The following FOXRED1 variants were observed in gnomAD, a reference collection of about 807,000 sequenced individuals.
FOXRED1 encodes FAD-dependent oxidoreductase domain-containing protein 1.
Under a neutral mutation model 57.8 loss-of-function variants are expected in FOXRED1, and 52 were observed. That is an observed-to-expected ratio of 0.90 (90% CI 0.72 to 1.13). The LOEUF (loss-of-function observed/expected upper bound fraction) is 1.13, where lower values mean the gene tolerates loss of function less well. Among genes scored for constraint, FOXRED1 ranks in the 50% most tolerant of loss-of-function variants. The pLI, the probability that FOXRED1 is intolerant of heterozygous loss-of-function variation, is 0.00. For missense variants in FOXRED1, 589 were observed against 625.2 expected (o/e 0.94, Z 0.62); for synonymous variants, 271 against 248.3 (o/e 1.09, Z -0.86).
chr11:126,274,726 G>A lies in FOXRED1; in HGVS notation c.537-201G>A. On this transcript the variant is annotated intron_variant, in intron 4 of 10. Coordinates refer to ENST00000263578, the MANE Select transcript of FOXRED1 (RefSeq NM_017547.4). The surrounding 1 kb of genome is among the most constrained non-coding windows in gnomAD (Gnocchi z 4.8). ...TGAAGGGAGACAAGGGAGTAGGGAA[G>A]GAAAGGCAGTCAAGGCTGAAGAGCC... 1.6e-6 allele frequency: 1 copy of A among 629,258 alleles called. No individual in the cohort carries two copies. 39.0% of individuals were successfully genotyped at this position (629,258 alleles called of 1,614,324 possible). A position where few individuals can be genotyped will look rare whatever the true frequency, so the allele number is the denominator to read the frequency against.
chr11:126,273,262 G>T lies in FOXRED1; in HGVS notation c.418-74G>T, dbSNP rs1379704568. Reference sequence around the variant, plus strand: ...TGGGGCACTGAGCCTGGGGAGCTGTGGGGGAAGAAGGCAGGAAAACTCTTT... The same window carrying T: ...TGGGGCACTGAGCCTGGGGAGCTGTTGGGGAAGAAGGCAGGAAAACTCTTT... On this transcript the variant is annotated intron_variant, in intron 3 of 10. Transcript: ENST00000263578. The surrounding 1 kb of genome is among the most constrained non-coding windows in gnomAD (Gnocchi z 5.9). The T allele has an allele frequency of 2.0e-5, 24 of 1,200,060 alleles. No homozygotes were observed. The highest frequency in any genetic ancestry group is 1.0e-4 in the Admixed American group (6 of 59,486). The allele number at this position is 1,200,060 out of a possible 1,614,324, so 74.3% of individuals were successfully genotyped here.
At position 126,273,486 on chromosome 11, in the gene FOXRED1, G is replaced by T; in HGVS notation, c.536+32G>T. 7.0e-7 allele frequency: 1 copy of T among 1,425,690 alleles called. No individual in the cohort carries two copies. Among genetic ancestry groups the T allele is most frequent in the South Asian group, 1.1e-5 (1 of 87,330 alleles). 88.3% of individuals were successfully genotyped at this position (1,425,690 alleles called of 1,614,324 possible). The stretch of plus-strand genomic sequence containing the variant: ...GCCTGGCACAGCCTCTTAGCTGCTT[G>T]GCAGCCAAAGGTGTTGGGTGACTCC... On this transcript the variant is annotated intron_variant, in intron 4 of 10. Transcript: ENST00000263578. This position sits in a 1 kb window ranked among gnomAD's most constrained non-coding sequence, Gnocchi z 5.9.
chr11:126,271,388 C>A lies in FOXRED1; in HGVS notation c.86-49C>A, dbSNP rs1161853019. The A allele has an allele frequency of 1.4e-6, 2 of 1,391,592 alleles. No individual in the cohort carries two copies. The highest frequency in any genetic ancestry group is 2.3e-5 in the East Asian group (1 of 43,904). 86.2% of individuals were successfully genotyped at this position (1,391,592 alleles called of 1,614,324 possible). On this transcript the variant is annotated intron_variant, in intron 1 of 10. Transcript: ENST00000263578. This position sits in a 1 kb window ranked among gnomAD's most constrained non-coding sequence, Gnocchi z 5.3. The stretch of plus-strand genomic sequence containing the variant: ...TGTGCCCATCCTCCAACCCCCCAAC[C>A]ATGTGGGAAGGAAATGTTTGGCCCT...
At chr11:126,270,117 T>G (rs975066684) in intron 1 of FOXRED1, among the ~76,000 whole-genome samples, 1 of 152,036 alleles carries the variant, frequency 6.6e-6, no homozygotes, top group African/African-American at 2.4e-5. Flanking sequence ...TTTACTGGCT[T>G]AAGAAAGGTG....
chr11:126,277,353 C>T lies in FOXRED1; in HGVS notation c.1207-82C>T, dbSNP rs188543128. On this transcript the variant is annotated intron_variant, in intron 10 of 10. Transcript: ENST00000263578. This position sits in a 1 kb window ranked among gnomAD's most constrained non-coding sequence, Gnocchi z 6.8. ...ACCCCTCAGCAGCAGGTAGAGGGTA[C>T]TCTGTGCTGAGCCCTGAGGGGAGTG... The T allele has an allele frequency of 9.6e-5, 146 of 1,528,662 alleles. No homozygotes were observed. The African/African-American group carries it at 1.9e-3, about 20-fold the overall frequency. The allele number at this position is 1,528,662 out of a possible 1,614,324, so 94.7% of individuals were successfully genotyped here. A position where few individuals can be genotyped will look rare whatever the true frequency, so the allele number is the denominator to read the frequency against.
rs1951040028 is a variant in FOXRED1 at position 126,273,224 on chromosome 11, G to A, written c.418-112G>A. On this transcript the variant is annotated intron_variant, in intron 3 of 10. Transcript: ENST00000263578. The surrounding 1 kb of genome is among the most constrained non-coding windows in gnomAD (Gnocchi z 5.9). ...GGGCCCTGGCCTTCTTCCTAGTGGTGGTGCCGCAGGTCTGGGGCACTGAGC... is the reference window on the plus strand; with the variant it reads ...GGGCCCTGGCCTTCTTCCTAGTGGTAGTGCCGCAGGTCTGGGGCACTGAGC... 1.0e-6 allele frequency: 1 copy of A among 971,836 alleles called. No individual in the cohort carries two copies. The highest frequency in any genetic ancestry group is 1.7e-6 in the Non-Finnish European group (1 of 594,702). 60.2% of individuals were successfully genotyped at this position (971,836 alleles called of 1,614,324 possible).
chr11:126,276,654 T>A, intron 9 of FOXRED1, 131 bp downstream of exon 9: 2 of 940,882 alleles, frequency 2.1e-6, no homozygotes, highest in Non-Finnish European at 3.3e-6. Context: ...GGCAGGTGGA[T>A]CACCTGAGGT....
intron 9 of FOXRED1, 181 bp from the exon 10 acceptor site, chr11:126,276,890 A>AG: frequency 1.7e-6 from 1 of 601,576 alleles, no homozygotes; most frequent in Non-Finnish European, 3.0e-6. Flanking sequence ...AAAAAAAAAA[A>AG]GAAAAAGAAT....
chr11:126,269,507 A>G (rs796162188), intron 1 of FOXRED1: 2 of 800,908 alleles, frequency 2.5e-6, no homozygotes, highest in African/African-American at 3.4e-5. Flanking sequence ...ATCATTCTCC[A>G]TTTAAGCTTA....
chr11:126,274,800 G>A lies in FOXRED1; in HGVS notation c.537-127G>A. 1.3e-6 allele frequency: 1 copy of A among 754,740 alleles called. No homozygotes were observed. Among genetic ancestry groups the A allele is most frequent in the South Asian group, 1.4e-5 (1 of 71,576 alleles). 46.8% of individuals were successfully genotyped at this position (754,740 alleles called of 1,614,324 possible). On this transcript the variant is annotated intron_variant, in intron 4 of 10. Coordinates refer to ENST00000263578, the MANE Select transcript of FOXRED1 (RefSeq NM_017547.4). This position sits in a 1 kb window ranked among gnomAD's most constrained non-coding sequence, Gnocchi z 4.8. ...CCGCTCAGCAATGAGGAAAAATAGGGGCATTTGGGGCAGAGAAGTGACATG... is the reference window on the plus strand; with the variant it reads ...CCGCTCAGCAATGAGGAAAAATAGGAGCATTTGGGGCAGAGAAGTGACATG...
In FOXRED1 at chr11:126,278,065, A is replaced by C. The variant is rs1313903481; in HGVS notation, c.*376A>C. On this transcript the variant is annotated 3_prime_UTR_variant, in exon 11 of 11. Coordinates refer to ENST00000263578, the MANE Select transcript of FOXRED1 (RefSeq NM_017547.4). This position sits in a 1 kb window ranked among gnomAD's most constrained non-coding sequence, Gnocchi z 4.8. ...GGAGCACTCTGGGGCAGCCTGGCTC[A>C]GGTTTATTGATTTTCGTCTGTTTAC... The C allele has an allele frequency of 2.0e-6, 1 of 501,202 alleles. No homozygotes were observed. The highest frequency in any genetic ancestry group is 1.9e-5 in the African/African-American group (1 of 51,988). The allele number at this position is 501,202 out of a possible 1,614,324, so 31.0% of individuals were successfully genotyped here. A position where few individuals can be genotyped will look rare whatever the true frequency, so the allele number is the denominator to read the frequency against.
intron 1 of FOXRED1, among the ~76,000 whole-genome samples, chr11:126,270,542 G>A (rs183236400): frequency 3.3e-5 from 5 of 152,306 alleles, no homozygotes; most frequent in Admixed American, 2.0e-4. Context: ...ACTAGGCAAG[G>A]AAGTGGACAC....
At position 126,274,656 on chromosome 11, in the gene FOXRED1, AAAG is replaced by A. The variant is rs1350438134; in HGVS notation, c.537-267_537-265del. ...GAGCCAGACTCATTGAAAAAAAAAA[AAAG>A]AAGTCATGGAATAGACTGGGATAGC... On this transcript the variant is annotated intron_variant, in intron 4 of 10. Transcript: ENST00000263578. This position sits in a 1 kb window ranked among gnomAD's most constrained non-coding sequence, Gnocchi z 4.8. The A allele has an allele frequency of 2.3e-5, 10 of 442,190 alleles. No individual in the cohort carries two copies. Among genetic ancestry groups the A allele is most frequent in the South Asian group, 6.4e-5 (3 of 47,052 alleles). The allele number at this position is 442,190 out of a possible 1,614,324, so 27.4% of individuals were successfully genotyped here. A position where few individuals can be genotyped will look rare whatever the true frequency, so the allele number is the denominator to read the frequency against.
rs770589780 is a variant in FOXRED1, at chr11:126,273,108, G to A, written c.417+29G>A. On this transcript the variant is annotated intron_variant, in intron 3 of 10. Coordinates refer to ENST00000263578, the MANE Select transcript of FOXRED1 (RefSeq NM_017547.4). The surrounding 1 kb of genome is among the most constrained non-coding windows in gnomAD (Gnocchi z 5.9). Reference sequence around the variant, plus strand: ...GGTGCAATGATATCCGGGATGTTGGGGTGGTTACCCCTCCTTTAGCCCAGA... The same window carrying A: ...GGTGCAATGATATCCGGGATGTTGGAGTGGTTACCCCTCCTTTAGCCCAGA... 2.3e-6 allele frequency: 3 copies of A among 1,301,778 alleles called. No individual in the cohort carries two copies. The East Asian group carries it at 6.9e-5, about 30-fold the overall frequency. The allele number at this position is 1,301,778 out of a possible 1,614,324, so 80.6% of individuals were successfully genotyped here.
At position 126,273,434 on chromosome 11, in the gene FOXRED1, G is replaced by A. The variant is rs747688755; in HGVS notation, c.516G>A (p.Glu172=). ...LASEKDAAAM[E]SNVKVQRQEG... is the part of the protein sequence containing the mutation. ...CAGAAAAGGATGCTGCAGCCATGGA[G>A]AGCAACGTGAAAGTGCAGAGGTGGG... The change falls in exon 4 of 11, where the codon GAG becomes GAA. Residue 172 remains glutamate (E), a synonymous_variant. Coordinates refer to ENST00000263578, the MANE Select transcript of FOXRED1 (RefSeq NM_017547.4). The surrounding 1 kb of genome is among the most constrained non-coding windows in gnomAD (Gnocchi z 5.9). 4 of 1,613,590 alleles carry A rather than the reference G, an allele frequency of 2.5e-6. No individual in the cohort carries two copies. The highest frequency in any genetic ancestry group is 3.4e-6 in the Non-Finnish European group (4 of 1,179,724).
rs1950997513 is a variant in FOXRED1 at position 126,271,902 on chromosome 11, T to G, written c.306+245T>G. The G allele has an allele frequency of 2.0e-6, 1 of 502,688 alleles. No homozygotes were observed. The highest frequency in any genetic ancestry group is 3.2e-5 in the Admixed American group (1 of 31,576). 31.1% of individuals were successfully genotyped at this position (502,688 alleles called of 1,614,324 possible). ...TATCACCATATTGGATTTTTCGAGA[T>G]CTCATAGCTCTGGTCATGAGAGCCT... On this transcript the variant is annotated intron_variant, in intron 2 of 10. Coordinates refer to ENST00000263578, the MANE Select transcript of FOXRED1 (RefSeq NM_017547.4). This position sits in a 1 kb window ranked among gnomAD's most constrained non-coding sequence, Gnocchi z 5.3.
rs1316335002 is a variant in FOXRED1 at position 126,271,538 on chromosome 11, C to A, written c.187C>A (p.His63Asn). 2.5e-6 allele frequency: 4 copies of A among 1,614,076 alleles called. No homozygotes were observed. In the African/African-American group the frequency reaches 5.3e-5, roughly 22 times the overall value. The change falls in exon 2 of 11, where the codon CAC becomes AAC. Residue 63 changes from histidine to asparagine, a missense_variant. By Grantham distance (68) the His-to-Asn change is moderately conservative. Coordinates refer to ENST00000263578, the MANE Select transcript of FOXRED1 (RefSeq NM_017547.4). This position sits in a 1 kb window ranked among gnomAD's most constrained non-coding sequence, Gnocchi z 5.3. ...LQDTSHLPPE[H>N]SDVVIVGGGV... ...AGACACCAGCCACCTGCCTCCCGAG[C>A]ACTCGGATGTGGTGATCGTGGGAGG...
chr11:126,273,355 A>T lies in FOXRED1; in HGVS notation c.437A>T (p.Asp146Val). 6.2e-7 allele frequency: 1 copy of T among 1,613,466 alleles called. No homozygotes were observed. Among genetic ancestry groups the T allele is most frequent in the Non-Finnish European group, 8.5e-7 (1 of 1,179,538 alleles). ...RNINEYLAVV[D>V]APPLDLRFNP... ...ACACAGGAGTACCTGGCCGTAGTCG[A>T]TGCTCCTCCCCTGGACCTCCGGTTC... The change falls in exon 4 of 11, where the codon GAT becomes GTT. Residue 146 changes from aspartate (D) to valine (V), a missense_variant. Asp to Val is a radical substitution (Grantham distance 152, BLOSUM62 -3). Coordinates refer to ENST00000263578, the MANE Select transcript of FOXRED1 (RefSeq NM_017547.4). This position sits in a 1 kb window ranked among gnomAD's most constrained non-coding sequence, Gnocchi z 5.9.
Position 126,272,929 on chromosome 11 carries a change from A to G in FOXRED1, c.307-40A>G. 1.1e-6 allele frequency: 1 copy of G among 947,190 alleles called. No individual in the cohort carries two copies. Among genetic ancestry groups the G allele is most frequent in the Non-Finnish European group, 1.8e-6 (1 of 570,210 alleles). The allele number at this position is 947,190 out of a possible 1,614,324, so 58.7% of individuals were successfully genotyped here. On this transcript the variant is annotated intron_variant, in intron 2 of 10. Transcript: ENST00000263578. This position sits in a 1 kb window ranked among gnomAD's most constrained non-coding sequence, Gnocchi z 4.6. ...TTGCAGTATTCTAGTCACATGTGAT[A>G]GGGTACTGGTCTACCTCAACTTTTC...
Sources: allele counts gnomAD v4.1 joint callset (sites outside exome capture counted in the v4.1 genomes callset), GRCh38; gene constraint gnomAD v4.1.1; non-coding constraint Gnocchi (gnomAD v3.1); transcripts MANE v1.5; gene names NCBI Gene and HGNC (gene_info 2026-07-23, HGNC 2026-07-21).